The following PLEKHA7 variants were observed in gnomAD, a reference collection of about 807,000 sequenced individuals.
PLEKHA7 encodes the protein pleckstrin homology domain containing A7.
Under a neutral mutation model 170.0 loss-of-function variants are expected in PLEKHA7, and 104 were observed. That is an observed-to-expected ratio of 0.61 (90% confidence interval 0.52 to 0.72). The LOEUF is 0.72. PLEKHA7 is among the 30% of genes least tolerant of loss of function. The probability of loss-of-function intolerance (pLI) is 0.00; values close to 1 mark genes in which losing one functional copy is unlikely to be tolerated. For missense variants in PLEKHA7, 1,615 were observed against 1,671.7 expected (o/e 0.97, Z 0.59); for synonymous variants, 648 against 660.8 (o/e 0.98, Z 0.30).
intron 3 of PLEKHA7, among the ~76,000 whole-genome samples, chr11:16,876,458 G>T (rs1451434985): frequency 6.6e-6 from 1 of 152,222 alleles, no homozygotes; most frequent in East Asian, 1.9e-4. Context: ...CCTTGAAGTT[G>T]AATGGCAGCC....
chr11:16,911,510 G>A (rs1451905260), intron 3 of PLEKHA7, among the ~76,000 whole-genome samples: 1 of 152,180 alleles, frequency 6.6e-6, no homozygotes, highest in Non-Finnish European at 1.5e-5. Context: ...GTCACAAAAA[G>A]GAACCCACGG....
At chr11:16,788,710 G>A (rs1849572256) in intron 23 of PLEKHA7, 3 of 291,002 alleles carry the variant, frequency 1.0e-5, no homozygotes, top group African/African-American at 6.5e-5. Flanking sequence ...CTGGGAGGCT[G>A]ATCAGTTTGC....
chr11:16,924,377 AC>A (rs1470004209), intron 3 of PLEKHA7, among the ~76,000 whole-genome samples: 8 of 152,200 alleles, frequency 5.3e-5, no homozygotes, highest in Admixed American at 1.3e-4. Context: ...CTGGCGGAGC[AC>A]GCAAGGAGGT....
At chr11:16,883,580 C>A (rs1412742861) in intron 3 of PLEKHA7, among the ~76,000 whole-genome samples, 1 of 152,148 alleles carries the variant, frequency 6.6e-6, no homozygotes, top group African/African-American at 2.4e-5. Flanking sequence ...CCCAAGTCAT[C>A]CTTTCTTTTC....
chr11:16,843,202 C>T (rs1852111879), intron 8 of PLEKHA7, among the ~76,000 whole-genome samples: 1 of 152,206 alleles, frequency 6.6e-6, no homozygotes, highest in African/African-American at 2.4e-5. Context: ...TATATTGCTC[C>T]CAGGTTCTAT....
chr11:16,938,455 T>C (rs1297080738), intron 3 of PLEKHA7, among the ~76,000 whole-genome samples: 1 of 152,216 alleles, frequency 6.6e-6, no homozygotes, highest in Non-Finnish European at 1.5e-5. Context: ...ATACATTTAG[T>C]GAACTTACAT....
At chr11:16,916,391 A>G (rs1858682396) in intron 3 of PLEKHA7, among the ~76,000 whole-genome samples, 1 of 152,182 alleles carries the variant, frequency 6.6e-6, no homozygotes, top group African/African-American at 2.4e-5. Flanking sequence ...TGCTCAGAAC[A>G]TGGGCTCTGA....
rs1447995107 is a variant in PLEKHA7, at chr11:16,817,399, C to T, written c.1344-77G>A. Reference sequence around the variant, plus strand: ...GCTTTGGGGAACATATCTAAGTAAACCCACAAAGCTGGGCATGTGGGACAG... The same window carrying T: ...GCTTTGGGGAACATATCTAAGTAAATCCACAAAGCTGGGCATGTGGGACAG... On this transcript the variant is annotated intron_variant, in intron 10 of 26. Transcript: ENST00000531066. The surrounding 1 kb of genome is among the most constrained non-coding windows in gnomAD (Gnocchi z 4.4). The T allele has an allele frequency of 7.0e-7, 1 of 1,419,410 alleles. No individual in the cohort carries two copies. The highest frequency in any genetic ancestry group is 9.5e-7 in the Non-Finnish European group (1 of 1,054,702). The allele number at this position is 1,419,410 out of a possible 1,614,324, so 87.9% of individuals were successfully genotyped here.
intron 9 of PLEKHA7, among the ~76,000 whole-genome samples, chr11:16,838,383 C>T (rs1439842598): frequency 6.6e-6 from 1 of 151,844 alleles, no homozygotes; most frequent in Non-Finnish European, 1.5e-5. Context: ...TGTGGTGGCC[C>T]ACAGCTGAGG....
At chr11:16,786,702 T>G (rs1849420752) in intron 23 of PLEKHA7, 1 of 985,216 alleles carries the variant, frequency 1.0e-6, no homozygotes, top group African/African-American at 1.7e-5. Context: ...CCAAACAACT[T>G]GGGACAGAGT....
chr11:16,903,717 G>A (rs1219370678), intron 3 of PLEKHA7, among the ~76,000 whole-genome samples: 1 of 152,164 alleles, frequency 6.6e-6, no homozygotes, highest in African/African-American at 2.4e-5. Flanking sequence ...CCAAATTACA[G>A]AGTCCTCCAG....
At chr11:16,924,914 G>A (rs1490710284) in intron 3 of PLEKHA7, among the ~76,000 whole-genome samples, 1 of 152,202 alleles carries the variant, frequency 6.6e-6, no homozygotes, top group Admixed American at 6.5e-5. Flanking sequence ...TTCAGGGCTC[G>A]GGGCTGGGAC....
At chr11:16,885,327 C>T (rs1461675856) in intron 3 of PLEKHA7, among the ~76,000 whole-genome samples, 1 of 139,082 alleles carries the variant, frequency 7.2e-6, no homozygotes, top group Non-Finnish European at 1.6e-5. Context: ...GAGACTCCAT[C>T]TCAAAAAAAA....
intron 3 of PLEKHA7, among the ~76,000 whole-genome samples, chr11:16,974,130 T>C (rs1442662943): frequency 6.6e-6 from 1 of 152,134 alleles, no homozygotes; most frequent in Non-Finnish European, 1.5e-5. Context: ...GATGTGGTGG[T>C]GCACGCCTAT....
chr11:16,840,017 G>A (rs551613742), intron 9 of PLEKHA7, among the ~76,000 whole-genome samples: 17 of 152,174 alleles, frequency 1.1e-4, no homozygotes, highest in African/African-American at 3.4e-4. Flanking sequence ...GGTAAGCCCC[G>A]CAGGCTACTG....
intron 3 of PLEKHA7, among the ~76,000 whole-genome samples, chr11:16,932,525 TC>T (rs1294120049): frequency 6.6e-6 from 1 of 152,110 alleles, no homozygotes; most frequent in African/African-American, 2.4e-5. Flanking sequence ...ACTCAAGCAA[TC>T]CTTTTGCCTG....
intron 3 of PLEKHA7, among the ~76,000 whole-genome samples, chr11:17,013,518 G>A (rs1865450679): frequency 6.6e-6 from 1 of 152,120 alleles, no homozygotes; most frequent in African/African-American, 2.4e-5. Context: ...GCCTGCGGCG[G>A]GAGAGGGGGC....
chr11:16,991,797 C>A (rs1017912396), intron 3 of PLEKHA7, among the ~76,000 whole-genome samples: 2 of 152,192 alleles, frequency 1.3e-5, no homozygotes, highest in Non-Finnish European at 2.9e-5. Flanking sequence ...CACCATTAAA[C>A]AGTCCCTCCA....
rs372217436 is a variant in PLEKHA7, at chr11:16,826,498, C to T, written c.965G>A (p.Arg322Lys). 1.2e-6 allele frequency: 2 copies of T among 1,614,134 alleles called. No homozygotes were observed. Among genetic ancestry groups the T allele is most frequent in the Non-Finnish European group, 1.7e-6 (2 of 1,180,060 alleles). ...ATCATGGCCACGATGAGGACAATCT[C>T]TCGTATGTCCGGGTCCCACCCGGCC... ...ECGRVGPGHT[R>K]DCPHRGHDDI... is the part of the protein sequence containing the mutation. The change falls in exon 10 of 27, where the codon AGA becomes AAA. Residue 322 changes from arginine (R) to lysine (K), a missense_variant. By Grantham distance (26) the Arg-to-Lys change is conservative. Coordinates refer to ENST00000531066, the MANE Select transcript of PLEKHA7 (RefSeq NM_001329630.2).
Sources: allele counts gnomAD v4.1 joint callset (sites outside exome capture counted in the v4.1 genomes callset), GRCh38; gene constraint gnomAD v4.1.1; non-coding constraint Gnocchi (gnomAD v3.1); transcripts MANE v1.5; gene names NCBI Gene and HGNC (gene_info 2026-07-23, HGNC 2026-07-21).